The following IDI2 variants were observed in gnomAD, a reference collection of about 807,000 sequenced individuals.
IDI2 encodes isopentenyl-diphosphate delta isomerase 2, also known as isopentenyl-diphosphate delta-isomerase 2.
A neutral mutation model predicts 14.8 loss-of-function variants in IDI2; 18 were observed. The observed-to-expected ratio is 1.22, with a 90% confidence interval of 0.84 to 1.80. The LOEUF (loss-of-function observed/expected upper bound fraction) is 1.80, where lower values mean the gene tolerates loss of function less well. IDI2 is among the 40% of genes most tolerant of loss of function. The pLI is 0.00. For synonymous variants in IDI2, 133 were observed against 109.6 expected (o/e 1.21, Z -1.33); for missense variants, 316 against 283.2 (o/e 1.12, Z -0.83).
chr10:1,025,024 A>G (rs1268755232), intron 1 of IDI2, among the ~76,000 whole-genome samples: 5 of 28,396 alleles, frequency 1.8e-4, no homozygotes, highest in South Asian at 7.7e-4. Context: ...ACACACACAC[A>G]CACACACACA....
intron 1 of IDI2, among the ~76,000 whole-genome samples, chr10:1,025,489 C>T (rs528848570): frequency 6.7e-5 from 10 of 149,460 alleles, no homozygotes; most frequent in African/African-American, 2.5e-4. Context: ...TGCAGTGAGC[C>T]GAGATCGTGC....
At chr10:1,023,347 G>T (rs1338273076) in intron 2 of IDI2, among the ~76,000 whole-genome samples, 1 of 151,996 alleles carries the variant, frequency 6.6e-6, no homozygotes, top group African/African-American at 2.4e-5. Flanking sequence ...GTGGTGGCAG[G>T]TGCCTGTAGT....
intron 2 of IDI2, among the ~76,000 whole-genome samples, chr10:1,023,525 G>A (rs1031155891): frequency 2.6e-5 from 4 of 151,980 alleles, no homozygotes; most frequent in African/African-American, 9.6e-5. Flanking sequence ...GTAGCAACAT[G>A]GATGGAACTG....
intron 1 of IDI2, among the ~76,000 whole-genome samples, 188 bp from the exon 2 acceptor site, chr10:1,024,932 C>T (rs935729508): frequency 4.0e-5 from 6 of 151,494 alleles, no homozygotes; most frequent in South Asian, 2.1e-4. Flanking sequence ...TCTCTCTGAA[C>T]GGGAAATCTT....
chr10:1,020,814 CCCT>C lies in IDI2; in HGVS notation c.316_318del (p.Arg106del). On this transcript the variant is annotated inframe_deletion, in exon 4 of 5. Transcript: ENST00000277517. ...TCTGCTTGCAGACGCCTCTGGGCTG[CCCT>C]CCTCACTCCGATGGCATCCTTTTCT... 6.2e-7 allele frequency: 1 copy of C among 1,613,974 alleles called. No homozygotes were observed. Among genetic ancestry groups the C allele is most frequent in the Non-Finnish European group, 8.5e-7 (1 of 1,179,936 alleles).
At chr10:1,020,020 G>A (rs974707619) in intron 4 of IDI2, 186 bp from the exon 5 acceptor site, 2 of 598,512 alleles carry the variant, frequency 3.3e-6, no homozygotes, top group African/African-American at 3.7e-5. Context: ...ATGATAAACC[G>A]GCTTTGGTTT....
chr10:1,025,510 C>T (rs372294392), intron 1 of IDI2, among the ~76,000 whole-genome samples: 289 of 148,934 alleles, frequency 1.9e-3, no homozygotes, highest in African/African-American at 6.8e-3. Flanking sequence ...CATTGCTCTC[C>T]AGCCTGGGCA....
rs761688394 is a variant in IDI2 at position 1,019,573 on chromosome 10, G to A, written c.628C>T (p.Pro210Ser). 3 of 1,613,952 alleles carry A rather than the reference G, an allele frequency of 1.9e-6. No individual in the cohort carries two copies. Among genetic ancestry groups the A allele is most frequent in the Admixed American group, 1.7e-5 (1 of 59,992 alleles). Residue 210 changes from proline (P) to serine (S), a missense_variant, in exon 5 of 5, where the codon CCT (proline) becomes TCT (serine). By Grantham distance (74) the Pro-to-Ser change is moderately conservative. Transcript: ENST00000277517. ...IAERFLYRWW[P>S]HLDDVTPFVE... The stretch of plus-strand genomic sequence containing the variant: ...AACGGGGTCACGTCATCCAGGTGAG[G>A]CCACCACCGGTACAGAAACCTCTCG...
chr10:1,024,435 G>T, intron 2 of IDI2, 147 bp downstream of exon 2: 1 of 792,756 alleles, frequency 1.3e-6, no homozygotes, highest in Non-Finnish European at 2.0e-6. Context: ...TGCTCCCCGA[G>T]CCTTCTAAAG....
intron 1 of IDI2, among the ~76,000 whole-genome samples, chr10:1,025,240 C>T (rs1392664481): frequency 6.6e-6 from 1 of 152,068 alleles, no homozygotes; most frequent in Non-Finnish European, 1.5e-5. Flanking sequence ...TGAAGATCTT[C>T]TCACAAAATG....
In IDI2 at chr10:1,019,229, T is replaced by C. The variant is rs1832044939; in HGVS notation, c.*288A>G. 1 of 324,846 alleles carries C rather than the reference T, an allele frequency of 3.1e-6. No individual in the cohort carries two copies. The highest frequency in any genetic ancestry group is 7.1e-5 in the East Asian group (1 of 14,074). 20.1% of individuals were successfully genotyped at this position (324,846 alleles called of 1,614,324 possible). On this transcript the variant is annotated 3_prime_UTR_variant, in exon 5 of 5. Transcript: ENST00000277517. ...GACTCTCAAGATCTCCCCAAGACTT[T>C]CAGGATCAGCTGCTGTTAATCAAAC...
At chr10:1,023,902 CATG>C (rs1832164295) in intron 2 of IDI2, among the ~76,000 whole-genome samples, 1 of 152,168 alleles carries the variant, frequency 6.6e-6, no homozygotes, top group Non-Finnish European at 1.5e-5. Context: ...TTATGCATGA[CATG>C]GTGGTATCAA....
chr10:1,019,389 G>C lies in IDI2; in HGVS notation c.*128C>G. 1 of 642,410 alleles carries C rather than the reference G, an allele frequency of 1.6e-6. No individual in the cohort carries two copies. The highest frequency in any genetic ancestry group is 2.7e-6 in the Non-Finnish European group (1 of 376,158). The allele number at this position is 642,410 out of a possible 1,614,324, so 39.8% of individuals were successfully genotyped here. A position where few individuals can be genotyped will look rare whatever the true frequency, so the allele number is the denominator to read the frequency against. On this transcript the variant is annotated 3_prime_UTR_variant, in exon 5 of 5. Transcript: ENST00000277517. ...AAGTTGATGAAAAGGTTGAAATAGT[G>C]ATTTATACATGATGGGCAATCAAGT...
intron 3 of IDI2, 98 bp from the exon 4 acceptor site, chr10:1,020,995 T>G (rs536777471): frequency 3.3e-4 from 441 of 1,356,600 alleles, no homozygotes; most frequent in Non-Finnish European, 4.3e-4. Flanking sequence ...TCATCCGTCA[T>G]CAGCAGAAGA....
chr10:1,022,003 T>C (rs953965685), intron 3 of IDI2, among the ~76,000 whole-genome samples: 1 of 152,226 alleles, frequency 6.6e-6, no homozygotes, highest in Non-Finnish European at 1.5e-5. Flanking sequence ...CTCACGCCTA[T>C]AATCCCAGCA....
rs1214671300 is a variant in IDI2 at position 1,024,694 on chromosome 10, G to C, written c.30C>G (p.Asp10Glu). Residue 10 changes from aspartate (D) to glutamate (E), a missense_variant, in exon 2 of 5, where the codon GAC (aspartate) becomes GAG (glutamate). Physicochemically the swap from Asp to Glu is conservative, Grantham distance 45. Transcript: ENST00000277517. ...CCTCCAAGCGCTGCAACTGACGCCT[G>C]TCAACCCAGTCAAGATTTATGTCAG... MSDINLDWV[D>E]RRQLQRLEEM... 1 of 1,614,182 alleles carries C rather than the reference G, an allele frequency of 6.2e-7. No homozygotes were observed. The highest frequency in any genetic ancestry group is 1.7e-5 in the Admixed American group (1 of 60,018).
chr10:1,019,460 T>C lies in IDI2; in HGVS notation c.*57A>G. ...TGGAGAGGGTGTATCATTGCCTCAATGGTGCGTCTGCCTGCACTGAGGGCA... is the reference window on the plus strand; with the variant it reads ...TGGAGAGGGTGTATCATTGCCTCAACGGTGCGTCTGCCTGCACTGAGGGCA... On this transcript the variant is annotated 3_prime_UTR_variant, in exon 5 of 5. Transcript: ENST00000277517. 7.1e-7 allele frequency: 1 copy of C among 1,409,536 alleles called. No individual in the cohort carries two copies. Among genetic ancestry groups the C allele is most frequent in the Non-Finnish European group, 9.7e-7 (1 of 1,030,460 alleles). 87.3% of individuals were successfully genotyped at this position (1,409,536 alleles called of 1,614,324 possible). A position where few individuals can be genotyped will look rare whatever the true frequency, so the allele number is the denominator to read the frequency against.
chr10:1,022,709 C>T lies in IDI2; in HGVS notation c.209G>A (p.Arg70Lys). The change falls in exon 3 of 5, where the codon AGG becomes AAG. Residue 70 changes from arginine to lysine, a missense_variant. Arg to Lys is a conservative substitution (Grantham distance 26). Coordinates refer to ENST00000277517, the MANE Select transcript of IDI2 (RefSeq NM_033261.3). ...AGGAAACGTGACTTTCGTGTCCGACCTCTGCTGTATCAGGATTCGATTCTT... is the reference window on the plus strand; with the variant it reads ...AGGAAACGTGACTTTCGTGTCCGACTTCTGCTGTATCAGGATTCGATTCTT... ...NTKNRILIQQ[R>K]SDTKVTFPGY... 1 of 1,614,092 alleles carries T rather than the reference C, an allele frequency of 6.2e-7. No homozygotes were observed. Among genetic ancestry groups the T allele is most frequent in the Non-Finnish European group, 8.5e-7 (1 of 1,179,958 alleles).
At chr10:1,025,246 A>G (rs1216230689) in intron 1 of IDI2, among the ~76,000 whole-genome samples, 3 of 152,106 alleles carry the variant, frequency 2.0e-5, no homozygotes, top group Non-Finnish European at 4.4e-5. Context: ...TCTTCTCACA[A>G]AATGTTTTCA....
Sources: gnomAD v4.1 joint callset for allele counts (sites outside exome capture counted in the v4.1 genomes callset) on GRCh38, gnomAD v4.1.1 for gene constraint, MANE v1.5 for transcripts, NCBI Gene and HGNC (gene_info 2026-07-23, HGNC 2026-07-21) for gene names.